Variants in USP12 observed in about 807,000 individuals in gnomAD.
USP12 encodes ubiquitin carboxyl-terminal hydrolase 12.
USP12 carries 19 observed loss-of-function variants against 45.5 expected under a neutral mutation model. The ratio of observed to expected loss-of-function variants is 0.42; its 90% CI spans 0.29 to 0.61. The LOEUF (loss-of-function observed/expected upper bound fraction) is 0.61, where lower values mean the gene tolerates loss of function less well. Ranked by LOEUF, USP12 falls within the 20% of genes least tolerant of loss-of-function variation. The pLI, the probability that USP12 is intolerant of heterozygous loss-of-function variation, is 0.22. For synonymous variants in USP12, 149 were observed against 148.8 expected, an observed-to-expected ratio of 1.00 and a Z score of -0.01; for missense variants, 242 against 447.7, an observed-to-expected ratio of 0.54 and a Z score of 4.15.
Position 27,145,022 on chromosome 13 carries a change from G to A in USP12, c.48+26570C>T, listed in dbSNP as rs144951963. Among the ~76,000 whole-genome samples, 365 of 152,290 alleles carry A rather than the reference G, an allele frequency of 2.4e-3. 5 individuals carry two copies. The East Asian group carries it at 0.026, about 11-fold the overall frequency. ...GTCGAGGCTGCAGTGAGCCACGATC[G>A]CACCACTGCATTCCAGCCTGGGCTG... On this transcript the variant is annotated intron_variant, in intron 1 of 8. Transcript: ENST00000282344.
chr13:27,157,471 T>C (rs1420631379), intron 1 of USP12, among the ~76,000 whole-genome samples: 1 of 152,210 alleles, frequency 6.6e-6, no homozygotes, highest in Non-Finnish European at 1.5e-5. Context: ...TAGCTCATTT[T>C]TAGCAAAAAT....
At chr13:27,078,592 T>C (rs1458980778) in intron 6 of USP12, among the ~76,000 whole-genome samples, 1 of 151,670 alleles carries the variant, frequency 6.6e-6, no homozygotes, top group East Asian at 1.9e-4. Flanking sequence ...ATGTAAACAC[T>C]AATCCTAAGT....
At chr13:27,103,946 A>G (rs1875005533) in intron 3 of USP12, among the ~76,000 whole-genome samples, 1 of 152,170 alleles carries the variant, frequency 6.6e-6, no homozygotes, top group African/African-American at 2.4e-5. Flanking sequence ...TTGTATAAAG[A>G]GCCCATGTGA....
At position 27,125,997 on chromosome 13, in the gene USP12, C is replaced by G. The variant is rs537064685; in HGVS notation, c.49-9401G>C. 3.9e-5 allele frequency among the ~76,000 whole-genome samples: 6 copies of G among 152,392 alleles called. No homozygotes were observed. In the East Asian group the frequency reaches 1.2e-3, roughly 29 times the overall value. ...TTGAACTGGGCGGAGCCCACCACAG[C>G]TCAGCAAGGCCTACTGCCTCTCTAG... On this transcript the variant is annotated intron_variant, in intron 1 of 8. Coordinates refer to ENST00000282344, the MANE Select transcript of USP12 (RefSeq NM_182488.4).
At chr13:27,096,711 A>G (rs574233738) in intron 3 of USP12, among the ~76,000 whole-genome samples, 83 of 152,334 alleles carry the variant, frequency 5.4e-4, no homozygotes, top group Admixed American at 2.9e-3. Flanking sequence ...CCACCATGCC[A>G]CACACAAAGT....
intron 2 of USP12, among the ~76,000 whole-genome samples, chr13:27,113,070 CA>C (rs1366231013): frequency 1.3e-5 from 2 of 152,070 alleles, no homozygotes; most frequent in African/African-American, 2.4e-5. Flanking sequence ...CCCATCTCTA[CA>C]AAAACCTTAA....
intron 1 of USP12, among the ~76,000 whole-genome samples, chr13:27,157,265 A>G (rs564419012): frequency 1.3e-5 from 2 of 152,156 alleles, no homozygotes; most frequent in South Asian, 4.1e-4. Flanking sequence ...TTTTTGCTTG[A>G]TAAGTTTTAC....
In USP12 at chr13:27,068,002, T is replaced by C. The variant is rs1734726163; in HGVS notation, c.*1281A>G. The C allele has an allele frequency of 6.6e-6, 1 of 152,088 alleles. No individual in the cohort carries two copies. The highest frequency in any genetic ancestry group is 2.4e-5 in the African/African-American group (1 of 41,410). The allele number at this position is 152,088 out of a possible 1,614,324, so 9.4% of individuals were successfully genotyped here. A position where few individuals can be genotyped will look rare whatever the true frequency, so the allele number is the denominator to read the frequency against. On this transcript the variant is annotated 3_prime_UTR_variant, in exon 9 of 9. Transcript: ENST00000282344. Reference sequence around the variant, plus strand: ...ATTTCTGAACACCCTTCCAGTAAGATTTGTAAAGGTGGGGGGAAGGGAAGG... The same window carrying C: ...ATTTCTGAACACCCTTCCAGTAAGACTTGTAAAGGTGGGGGGAAGGGAAGG...
Position 27,129,219 on chromosome 13 carries a change from C to A in USP12, c.49-12623G>T, listed in dbSNP as rs1037781951. 2.3e-5 allele frequency among the ~76,000 whole-genome samples: 3 copies of A among 130,796 alleles called. No homozygotes were observed. Among genetic ancestry groups the A allele is most frequent in the Non-Finnish European group, 5.1e-5 (3 of 59,300 alleles). 85.8% of individuals were successfully genotyped at this position (130,796 alleles called of 152,430 possible). ...GAGACAACAGGAATATTATATTAAA[C>A]CACAGTTAAGTGGAAAGAACAAAGC... On this transcript the variant is annotated intron_variant, in intron 1 of 8. Coordinates refer to ENST00000282344, the MANE Select transcript of USP12 (RefSeq NM_182488.4). This position sits in a 1 kb window ranked among gnomAD's most constrained non-coding sequence, Gnocchi z 4.0.
chr13:27,138,579 T>C (rs1876915146), intron 1 of USP12, among the ~76,000 whole-genome samples: 1 of 152,196 alleles, frequency 6.6e-6, no homozygotes, highest in African/African-American at 2.4e-5. Flanking sequence ...TGAGGCATTA[T>C]CAATGCTACA....
chr13:27,106,039 A>G lies in USP12; in HGVS notation c.130-95T>C, dbSNP rs1050310143. On this transcript the variant is annotated intron_variant, in intron 2 of 8. Transcript: ENST00000282344. Reference sequence around the variant, plus strand: ...ATGGTTGAGAACAGAAAGAGATGACAATCGGTTACTACTGTTACTATAACA... The same window carrying G: ...ATGGTTGAGAACAGAAAGAGATGACGATCGGTTACTACTGTTACTATAACA... 4 of 1,023,328 alleles carry G rather than the reference A, an allele frequency of 3.9e-6. No individual in the cohort carries two copies. The African/African-American group carries it at 6.5e-5, about 17-fold the overall frequency. The allele number at this position is 1,023,328 out of a possible 1,614,324, so 63.4% of individuals were successfully genotyped here.
At chr13:27,091,939 G>C (rs996785353) in intron 4 of USP12, among the ~76,000 whole-genome samples, 2 of 152,118 alleles carry the variant, frequency 1.3e-5, no homozygotes, top group Non-Finnish European at 2.9e-5. Context: ...CTCCCACCTG[G>C]GTTAGGTCTA....
intron 4 of USP12, among the ~76,000 whole-genome samples, chr13:27,094,021 G>A (rs928401357): frequency 5.3e-5 from 8 of 152,060 alleles, no homozygotes; most frequent in African/African-American, 1.9e-4. Context: ...TCTTGCTTGT[G>A]GACCCTATTT....
At chr13:27,069,774 C>A (rs867423063) in intron 8 of USP12, among the ~76,000 whole-genome samples, 1 of 152,160 alleles carries the variant, frequency 6.6e-6, no homozygotes, top group Non-Finnish European at 1.5e-5. Flanking sequence ...GTGGAGAAAC[C>A]CCATCTCTAT....
chr13:27,107,296 G>T (rs1054934734), intron 2 of USP12, among the ~76,000 whole-genome samples: 3 of 152,102 alleles, frequency 2.0e-5, no homozygotes, highest in African/African-American at 7.2e-5. Context: ...CTGCACTCCG[G>T]CTTGGATGAC....
chr13:27,134,071 G>C (rs946987443), intron 1 of USP12, among the ~76,000 whole-genome samples: 12 of 152,116 alleles, frequency 7.9e-5, no homozygotes, highest in African/African-American at 2.7e-4. Flanking sequence ...TTCAGCCCAG[G>C]AGTTCAAGGC....
Position 27,154,150 on chromosome 13 carries a change from C to T in USP12, c.48+17442G>A, listed in dbSNP as rs950352112. Among the ~76,000 whole-genome samples, 4 of 152,192 alleles carry T rather than the reference C, an allele frequency of 2.6e-5. No homozygotes were observed. In the South Asian group the frequency reaches 8.3e-4, roughly 32 times the overall value. ...TCCTTAGGAAGCACACAGCCTGAGG[C>T]CTTCTCTCTAAACCTCCAAGATTAT... On this transcript the variant is annotated intron_variant, in intron 1 of 8. Coordinates refer to ENST00000282344, the MANE Select transcript of USP12 (RefSeq NM_182488.4).
rs74041179 is a variant in USP12 at position 27,100,339 on chromosome 13, C to G, written c.344-4509G>C. On this transcript the variant is annotated intron_variant, in intron 3 of 8. Coordinates refer to ENST00000282344, the MANE Select transcript of USP12 (RefSeq NM_182488.4). ...CTTGGGATTTTCTTTGTTCCCAACCCTTTCTAAGTTGCTCATTCTAGGTCC... is the reference window on the plus strand; with the variant it reads ...CTTGGGATTTTCTTTGTTCCCAACCGTTTCTAAGTTGCTCATTCTAGGTCC... Among the ~76,000 whole-genome samples, 1,475 of 152,252 alleles carry G rather than the reference C, an allele frequency of 9.7e-3. 29 individuals are homozygous for G. Among genetic ancestry groups the G allele is most frequent in the African/African-American group, 0.034 (1,406 of 41,528 alleles).
intron 1 of USP12, 97 bp downstream of exon 1, chr13:27,171,489 CGGCGCT>C: frequency 8.7e-6 from 1 of 114,294 alleles, no homozygotes; most frequent in South Asian, 3.2e-4. Flanking sequence ...CCGCCCGCCC[CGGCGCT>C]AGGCCCCGCG....
Sources: allele counts gnomAD v4.1 joint callset (sites outside exome capture counted in the v4.1 genomes callset), GRCh38; gene constraint gnomAD v4.1.1; non-coding constraint Gnocchi (gnomAD v3.1); transcripts MANE v1.5; gene names NCBI Gene and HGNC (gene_info 2026-07-23, HGNC 2026-07-21).